Variants in PXT1 observed in about 807,000 individuals in gnomAD.
PXT1 encodes the protein peroxisomal testis enriched protein 1, also known as peroxisomal testis-specific protein 1.
Under a neutral mutation model 11.0 loss-of-function variants are expected in PXT1, and 11 were observed. The observed-to-expected ratio is 1.00, with a 90% CI of 0.63 to 1.66. The LOEUF is 1.66. Among genes scored for constraint, PXT1 ranks in the 40% most tolerant of loss-of-function variants. PXT1 has a pLI of 0.00. For synonymous variants in PXT1, 43 were observed against 51.4 expected (o/e 0.84, Z 0.70); for missense variants, 141 against 155.5 (o/e 0.91, Z 0.49).
At chr6:36,440,816 A>C (rs147861358) in intron 1 of PXT1, among the ~76,000 whole-genome samples, 40 of 152,310 alleles carry the variant, frequency 2.6e-4, no homozygotes, top group African/African-American at 7.7e-4. Context: ...TTAACTATTA[A>C]AAGTCATGTT....
At chr6:36,392,178 C>T (rs971606168) in intron 4 of PXT1, among the ~76,000 whole-genome samples, 10 of 152,162 alleles carry the variant, frequency 6.6e-5, no homozygotes, top group African/African-American at 2.2e-4. Context: ...CAGATGCATG[C>T]CACCATGTCT....
chr6:36,432,146 C>T (rs371984549), intron 2 of PXT1, among the ~76,000 whole-genome samples: 11 of 152,060 alleles, frequency 7.2e-5, no homozygotes, highest in African/African-American at 2.7e-4. Context: ...GTGGACCTAA[C>T]CTAGTCTAGA....
At chr6:36,440,384 C>T (rs1274993021) in intron 1 of PXT1, among the ~76,000 whole-genome samples, 2 of 152,104 alleles carry the variant, frequency 1.3e-5, no homozygotes, top group Non-Finnish European at 2.9e-5. Flanking sequence ...TCTTGGCTAA[C>T]ATGGTGAAAC....
At chr6:36,428,752 T>G (rs1774643735) in intron 2 of PXT1, among the ~76,000 whole-genome samples, 1 of 150,378 alleles carries the variant, frequency 6.6e-6, no homozygotes, top group East Asian at 1.9e-4. Flanking sequence ...AAAACTTTTT[T>G]TTTTTTTGAG....
At chr6:36,418,489 CT>C (rs1429413103) in intron 3 of PXT1, among the ~76,000 whole-genome samples, 1 of 152,148 alleles carries the variant, frequency 6.6e-6, no homozygotes, top group Non-Finnish European at 1.5e-5. Context: ...GTCCAAGCCC[CT>C]TTTCAACATA....
chr6:36,435,463 T>A (rs988244692), intron 2 of PXT1, among the ~76,000 whole-genome samples: 1 of 152,010 alleles, frequency 6.6e-6, no homozygotes, highest in African/African-American at 2.4e-5. Context: ...CTCAGGAGGC[T>A]GAGGCAGGAG....
At chr6:36,429,469 TTTC>T (rs1309957097) in intron 2 of PXT1, among the ~76,000 whole-genome samples, 1 of 147,068 alleles carries the variant, frequency 6.8e-6, no homozygotes, top group African/African-American at 2.5e-5. Context: ...TTATTATTAT[TTTC>T]TTTTTCTTCA....
chr6:36,400,374 C>T, intron 4 of PXT1, 80 bp downstream of exon 4: 3 of 1,515,998 alleles, frequency 2.0e-6, no homozygotes, highest in Non-Finnish European at 2.7e-6. Flanking sequence ...TCCTGGGCAT[C>T]TCAGACACTT....
intron 4 of PXT1, among the ~76,000 whole-genome samples, chr6:36,397,514 C>G (rs1774160795): frequency 6.6e-6 from 1 of 152,134 alleles, no homozygotes; most frequent in South Asian, 2.1e-4. Flanking sequence ...TAAAAATTAA[C>G]TTCAAATGGA....
chr6:36,412,658 C>CA (rs70975156), intron 3 of PXT1, among the ~76,000 whole-genome samples: 80,541 of 145,756 alleles, frequency 0.55, 22,366 homozygotes, highest in Middle Eastern at 0.61. Context: ...GACTCCGTCT[C>CA]AAAAAAAAAA....
At chr6:36,420,276 A>G (rs1381075338) in intron 3 of PXT1, among the ~76,000 whole-genome samples, 1 of 152,228 alleles carries the variant, frequency 6.6e-6, no homozygotes, top group Non-Finnish European at 1.5e-5. Context: ...AAACAGCCCA[A>G]GTGTAAGTCA....
rs189973722 is a variant in PXT1 at position 36,435,897 on chromosome 6, C to T, written c.-10+2870G>A. Among the ~76,000 whole-genome samples the T allele has an allele frequency of 2.3e-3, 352 of 152,166 alleles. 2 individuals carry two copies. Among genetic ancestry groups the T allele is most frequent in the African/African-American group, 8.0e-3 (334 of 41,518 alleles). Reference sequence around the variant, plus strand: ...AATAAACCCCCTTTTCCTGCAACATCTCAAAAAATTAACCTCCCTTGCATC... The same window carrying T: ...AATAAACCCCCTTTTCCTGCAACATTTCAAAAAATTAACCTCCCTTGCATC... On this transcript the variant is annotated intron_variant, in intron 2 of 4. Coordinates refer to ENST00000454782, the MANE Select transcript of PXT1 (RefSeq NM_152990.4).
At chr6:36,414,120 T>C (rs1448692131) in intron 3 of PXT1, among the ~76,000 whole-genome samples, 1 of 152,046 alleles carries the variant, frequency 6.6e-6, no homozygotes, top group Non-Finnish European at 1.5e-5. Context: ...TGAGGAAGTA[T>C]TCCAGTAAAA....
chr6:36,415,288 C>T (rs1162397210), intron 3 of PXT1, among the ~76,000 whole-genome samples: 1 of 152,000 alleles, frequency 6.6e-6, no homozygotes, highest in Non-Finnish European at 1.5e-5. Context: ...ACTAAAAATA[C>T]AAAAATTAGC....
intron 4 of PXT1, among the ~76,000 whole-genome samples, chr6:36,395,687 A>G (rs983642628): frequency 2.0e-5 from 3 of 151,642 alleles, no homozygotes; most frequent in African/African-American, 7.3e-5. Flanking sequence ...TTATTTTTTA[A>G]ATGTGTTGTG....
chr6:36,418,046 A>G lies in PXT1; in HGVS notation c.169+7868T>C, dbSNP rs1203586737. On this transcript the variant is annotated intron_variant, in intron 3 of 4. Transcript: ENST00000454782. The stretch of plus-strand genomic sequence containing the variant: ...CCCGTCTCTACTAAAAATATAAAAA[A>G]TTAGCCGGGCGTGGTGGCGGGCGCC... Among the ~76,000 whole-genome samples, 5 of 145,140 alleles carry G rather than the reference A, an allele frequency of 3.4e-5. No homozygotes were observed. In the South Asian group the frequency reaches 1.1e-3, roughly 32 times the overall value.
intron 3 of PXT1, among the ~76,000 whole-genome samples, chr6:36,408,347 C>A (rs1456444344): frequency 6.6e-6 from 1 of 150,616 alleles, no homozygotes; most frequent in Non-Finnish European, 1.5e-5. Context: ...CAGCTCACTG[C>A]AACCTGCTAG....
intron 3 of PXT1, among the ~76,000 whole-genome samples, chr6:36,406,534 C>T (rs943203753): frequency 3.3e-5 from 5 of 151,978 alleles, no homozygotes; most frequent in African/African-American, 9.7e-5. Flanking sequence ...CTCAAGAGGT[C>T]GGGTGTGGTG....
intron 1 of PXT1, among the ~76,000 whole-genome samples, chr6:36,441,111 G>GAAAAAAA (rs970159726): frequency 1.4e-5 from 1 of 71,230 alleles, no homozygotes; most frequent in Non-Finnish European, 2.8e-5. Flanking sequence ...TCCACAAAAA[G>GAAAAAAA]AAAAAAAAAA....
Sources: gnomAD v4.1 joint callset for allele counts (sites outside exome capture counted in the v4.1 genomes callset) on GRCh38, gnomAD v4.1.1 for gene constraint, MANE v1.5 for transcripts, NCBI Gene and HGNC (gene_info 2026-07-23, HGNC 2026-07-21) for gene names.